RALGPS1: variants seen among roughly 807,000 people sequenced by gnomAD.
The protein encoded by RALGPS1 is ras-specific guanine nucleotide-releasing factor RalGPS1.
A neutral mutation model predicts 78.8 loss-of-function variants in RALGPS1; 19 were observed. The observed-to-expected ratio is 0.24, with a 90% CI of 0.17 to 0.35. The LOEUF is 0.35. Among genes scored for constraint, RALGPS1 ranks in the 10% least tolerant of loss-of-function variants. The probability of loss-of-function intolerance (pLI) is 1.00; values close to 1 mark genes in which losing one functional copy is unlikely to be tolerated. For synonymous variants in RALGPS1, 228 were observed against 256.3 expected, an observed-to-expected ratio of 0.89 and a Z score of 1.06; for missense variants, 454 against 688.3, an observed-to-expected ratio of 0.66 and a Z score of 3.81.
chr9:126,926,364 C>T (rs2130970919), intron 1 of RALGPS1, among the ~76,000 whole-genome samples: 1 of 152,314 alleles, frequency 6.6e-6, no homozygotes, highest in Non-Finnish European at 1.5e-5. Flanking sequence ...AATGGAAGCT[C>T]ATGGGACCGA....
intron 4 of RALGPS1, among the ~76,000 whole-genome samples, chr9:127,021,360 G>A (rs1335297408): frequency 3.3e-5 from 5 of 151,912 alleles, no homozygotes; most frequent in South Asian, 2.1e-4. Context: ...AAACTTAGCC[G>A]GGCATATTGG....
intron 14 of RALGPS1, among the ~76,000 whole-genome samples, chr9:127,204,313 C>T (rs777263676): frequency 5.9e-5 from 9 of 152,128 alleles, no homozygotes; most frequent in Non-Finnish European, 7.4e-5. Flanking sequence ...TACAGGTACA[C>T]GCCACCATAC....
intron 4 of RALGPS1, among the ~76,000 whole-genome samples, chr9:127,018,944 A>G (rs1426494140): frequency 2.0e-5 from 3 of 152,204 alleles, no homozygotes; most frequent in East Asian, 3.8e-4. Flanking sequence ...GTTGACCAAA[A>G]TGTCGTTCTG....
intron 4 of RALGPS1, among the ~76,000 whole-genome samples, chr9:126,997,422 G>A (rs1054169411): frequency 5.9e-5 from 9 of 152,138 alleles, no homozygotes; most frequent in Non-Finnish European, 7.3e-5. Flanking sequence ...ATTCACAATT[G>A]CTTCAAAGAG....
At chr9:126,943,993 A>C (rs540470) in intron 1 of RALGPS1, among the ~76,000 whole-genome samples, 1 of 152,254 alleles carries the variant, frequency 6.6e-6, no homozygotes, top group Non-Finnish European at 1.5e-5. Context: ...CCCTCATTAT[A>C]AGCCTGGCAC....
At chr9:127,197,389 T>C (rs1268606692) in intron 13 of RALGPS1, among the ~76,000 whole-genome samples, 3 of 151,730 alleles carry the variant, frequency 2.0e-5, no homozygotes, top group Non-Finnish European at 4.4e-5. Context: ...TGTGTGTCTG[T>C]GTGTCTGTCG....
At chr9:127,034,588 C>G (rs2134663839) in intron 5 of RALGPS1, 74 bp downstream of exon 5, 1 of 1,339,528 alleles carries the variant, frequency 7.5e-7, no homozygotes, top group Non-Finnish European at 1.1e-6. Flanking sequence ...CGAGCCCCCA[C>G]CCAAAGCTGT....
intron 14 of RALGPS1, among the ~76,000 whole-genome samples, chr9:127,202,016 G>C (rs2061660801): frequency 6.6e-6 from 1 of 152,216 alleles, no homozygotes; most frequent in African/African-American, 2.4e-5. Flanking sequence ...GCTTGGCCGT[G>C]GTGGGGGAGA....
At chr9:126,953,930 G>T (rs1472069289) in intron 1 of RALGPS1, among the ~76,000 whole-genome samples, 1 of 152,152 alleles carries the variant, frequency 6.6e-6, no homozygotes, top group Non-Finnish European at 1.5e-5. Flanking sequence ...GACTGGGGAA[G>T]GTGGGAGAGG....
At chr9:126,957,023 A>G (rs969512986) in intron 1 of RALGPS1, among the ~76,000 whole-genome samples, 18 of 152,326 alleles carry the variant, frequency 1.2e-4, no homozygotes, top group African/African-American at 4.3e-4. Context: ...AGCAAGTCAC[A>G]TTACCTCACT....
intron 12 of RALGPS1, 150 bp downstream of exon 12, chr9:127,195,367 G>C: frequency 9.0e-7 from 1 of 1,110,010 alleles, no homozygotes; most frequent in Non-Finnish European, 1.3e-6. Flanking sequence ...TGGCCAGTGC[G>C]CTTTCCTGAG....
chr9:126,977,799 A>G, intron 4 of RALGPS1, 54 bp downstream of exon 4: 2 of 1,326,410 alleles, frequency 1.5e-6, no homozygotes, highest in Admixed American at 2.1e-5. Flanking sequence ...GGCAGCGAGG[A>G]TTTAGCCAGC....
intron 8 of RALGPS1, among the ~76,000 whole-genome samples, chr9:127,105,906 A>G (rs1355967635): frequency 6.6e-6 from 1 of 152,242 alleles, no homozygotes; most frequent in African/African-American, 2.4e-5. Context: ...TGGCTTTACT[A>G]CATGACATAA....
rs2033941738 is a variant in RALGPS1 at position 126,914,881 on chromosome 9, G to A, written c.-160G>A. On this transcript the variant is annotated 5_prime_UTR_variant, in exon 1 of 19. Coordinates refer to ENST00000259351, the MANE Select transcript of RALGPS1 (RefSeq NM_014636.3). ...GCCTGGCCCGGCCCCGGCCCGGCTCGGCGTGGCCCCGGCCTCCAAGCGAAG... is the reference window on the plus strand; with the variant it reads ...GCCTGGCCCGGCCCCGGCCCGGCTCAGCGTGGCCCCGGCCTCCAAGCGAAG... 6.6e-6 allele frequency: 1 copy of A among 151,972 alleles called. No homozygotes were observed. The highest frequency in any genetic ancestry group is 6.6e-5 in the Admixed American group (1 of 15,230). 9.4% of individuals were successfully genotyped at this position (151,972 alleles called of 1,614,324 possible). A position where few individuals can be genotyped will look rare whatever the true frequency, so the allele number is the denominator to read the frequency against.
chr9:127,186,494 GTC>G (rs2060652924), intron 11 of RALGPS1, among the ~76,000 whole-genome samples: 1 of 152,260 alleles, frequency 6.6e-6, no homozygotes. Context: ...CTCACAAGCG[GTC>G]CCAGAAGACA....
At chr9:127,182,375 T>TCCCC (rs1452550792) in intron 11 of RALGPS1, among the ~76,000 whole-genome samples, 5 of 124,234 alleles carry the variant, frequency 4.0e-5, no homozygotes, top group African/African-American at 1.5e-4. Context: ...CCTTCCTCCC[T>TCCCC]CCCTCCCTCC....
At chr9:127,125,570 C>T (rs868693849) in intron 8 of RALGPS1, among the ~76,000 whole-genome samples, 8 of 152,300 alleles carry the variant, frequency 5.3e-5, no homozygotes, top group Non-Finnish European at 1.0e-4. Flanking sequence ...CAGCATTTAG[C>T]GGTTGCTCAG....
Position 126,933,940 on chromosome 9 carries a change from C to T in RALGPS1, c.-66+18965C>T, listed in dbSNP as rs1032049256. ...AGGTCCCTTCTCGCTGGGTGGTGCG[C>T]GAGGCCTTGGCTCGGTTTTTGGCCT... is the stretch of plus-strand genomic sequence containing the variant. On this transcript the variant is annotated intron_variant, in intron 1 of 18. Transcript: ENST00000259351. 3.3e-5 allele frequency among the ~76,000 whole-genome samples: 5 copies of T among 152,058 alleles called. No homozygotes were observed. The East Asian group carries it at 5.8e-4, about 18-fold the overall frequency.
At chr9:126,940,878 C>G (rs1315820562) in intron 1 of RALGPS1, among the ~76,000 whole-genome samples, 2 of 152,150 alleles carry the variant, frequency 1.3e-5, no homozygotes, top group African/African-American at 4.8e-5. Context: ...TGTGTAAGTT[C>G]ATTTTCAGTT....
Sources: gnomAD v4.1 joint callset for allele counts (sites outside exome capture counted in the v4.1 genomes callset) on GRCh38, gnomAD v4.1.1 for gene constraint, MANE v1.5 for transcripts, NCBI Gene and HGNC (gene_info 2026-07-23, HGNC 2026-07-21) for gene names.